The following CEP85L variants were observed in gnomAD, a reference collection of about 807,000 sequenced individuals.
CEP85L encodes the protein centrosomal protein of 85 kDa-like.
Under a neutral mutation model 100.3 loss-of-function variants are expected in CEP85L, and 60 were observed. That is an observed-to-expected ratio of 0.60 (90% CI 0.49 to 0.74). The LOEUF (loss-of-function observed/expected upper bound fraction) is 0.74. Ranked by LOEUF, CEP85L falls within the 30% of genes least tolerant of loss-of-function variation. The probability of loss-of-function intolerance (pLI) is 0.00; values close to 1 mark genes in which losing one functional copy is unlikely to be tolerated. For synonymous variants in CEP85L, 319 were observed against 322.7 expected (o/e 0.99, Z 0.12); for missense variants, 973 against 936.2 (o/e 1.04, Z -0.51).
At chr6:118,619,134 G>A (rs541911258) in intron 2 of CEP85L, among the ~76,000 whole-genome samples, 6 of 151,814 alleles carry the variant, frequency 4.0e-5, no homozygotes, top group Non-Finnish European at 8.8e-5. Context: ...AACCAGGGGT[G>A]CGGGCATACC....
At position 118,565,792 on chromosome 6, in the gene CEP85L, C is replaced by T. The variant is rs114957373; in HGVS notation, c.757G>A (p.Asp253Asn). ...TCAGGTAAGGCACTATATGTCATGT[C>T]TACAGGCTGTCTCCTAAGAGTAGAG... ...SSSTLRRQPV[D>N]MTYSALPESK... is the part of the protein sequence containing the mutation. The change falls in exon 3 of 13, where the codon GAC becomes AAC. Residue 253 changes from aspartate (D) to asparagine (N), a missense_variant. By Grantham distance (23) the Asp-to-Asn change is conservative. This residue lies in a region of CEP85L where 890 missense variants were observed against 844.5 expected (regional missense o/e 1.05). Transcript: ENST00000368491. 1,325 of 1,614,160 alleles carry T rather than the reference C, an allele frequency of 8.2e-4. 7 individuals are homozygous for T. The African/African-American group carries it at 0.016, about 19-fold the overall frequency.
At chr6:118,617,855 G>C (rs1773169950) in intron 2 of CEP85L, among the ~76,000 whole-genome samples, 1 of 152,150 alleles carries the variant, frequency 6.6e-6, no homozygotes, top group Admixed American at 6.5e-5. Flanking sequence ...CACGCAGTGA[G>C]TACCCTCGGA....
rs150192989 is a variant in CEP85L at position 118,565,595 on chromosome 6, G to C, written c.954C>G (p.Tyr318Ter). Reference sequence around the variant, plus strand: ...GCTGCTGTTGCCAAGGAGCTAAACTGTAAGAATCCTCTGTATTTCTACCTT... The same window carrying C: ...GCTGCTGTTGCCAAGGAGCTAAACTCTAAGAATCCTCTGTATTTCTACCTT... ...PLEGRNTEDS[Y>*]SLAPWQQQQI... The change falls in exon 3 of 13, where the codon TAC becomes TAG. Residue 318 changes from tyrosine to a stop codon, truncating the protein, a stop_gained. Coordinates refer to ENST00000368491, the MANE Select transcript of CEP85L (RefSeq NM_001042475.3). LOFTEE classifies it high-confidence loss of function. 1 of 1,614,078 alleles carries C rather than the reference G, an allele frequency of 6.2e-7. No individual in the cohort carries two copies. The highest frequency in any genetic ancestry group is 8.5e-7 in the Non-Finnish European group (1 of 1,180,020).
chr6:118,632,182 G>C (rs936959421), intron 2 of CEP85L, among the ~76,000 whole-genome samples: 10 of 152,078 alleles, frequency 6.6e-5, no homozygotes, highest in African/African-American at 2.4e-4. Context: ...GTAGAGACGG[G>C]ATTTCATTGT....
intron 1 of CEP85L, among the ~76,000 whole-genome samples, chr6:118,694,752 GA>G (rs1375613942): frequency 6.6e-6 from 1 of 151,908 alleles, no homozygotes; most frequent in Non-Finnish European, 1.5e-5. Flanking sequence ...ACATGATACA[GA>G]AAAAAAAGTG....
rs1432157169 is a variant in CEP85L at position 118,565,693 on chromosome 6, C to G, written c.856G>C (p.Gly286Arg). 5 of 1,614,060 alleles carry G rather than the reference C, an allele frequency of 3.1e-6. No individual in the cohort carries two copies. The highest frequency in any genetic ancestry group is 2.7e-5 in the African/African-American group (2 of 74,918). Residue 286 changes from glycine (G) to arginine (R), a missense_variant, in exon 3 of 13, where the codon GGT (glycine) becomes CGT (arginine). Around this residue, in one of 3 missense-constraint regions of CEP85L, gnomAD observed 890 missense variants for 844.5 expected, o/e 1.05. Transcript: ENST00000368491. ...ACGGAAGGCTGAATGGGAACTCCACCTACTGCCTGTTGACCAAGCATTAAA... is the reference window on the plus strand; with the variant it reads ...ACGGAAGGCTGAATGGGAACTCCACGTACTGCCTGTTGACCAAGCATTAAA... ...KYLMLGQQAV[G>R]GVPIQPSVRT...
At chr6:118,632,799 G>A (rs1219022178) in intron 1 of CEP85L, among the ~76,000 whole-genome samples, 188 bp from the exon 2 acceptor site, 1 of 152,176 alleles carries the variant, frequency 6.6e-6, no homozygotes, top group Non-Finnish European at 1.5e-5. Context: ...AATTAAGTGT[G>A]ATTACATAGC....
intron 2 of CEP85L, among the ~76,000 whole-genome samples, chr6:118,623,932 T>A (rs1022884612): frequency 1.3e-5 from 2 of 152,148 alleles, no homozygotes; most frequent in African/African-American, 4.8e-5. Flanking sequence ...GGAGGGACCA[T>A]ACTCAGTAAT....
At chr6:118,603,811 T>C (rs934737489) in intron 2 of CEP85L, among the ~76,000 whole-genome samples, 2 of 152,256 alleles carry the variant, frequency 1.3e-5, no homozygotes, top group African/African-American at 4.8e-5. Flanking sequence ...GAATACCTGC[T>C]AGAGTTCTAT....
At chr6:118,686,198 T>A (rs1432060638) in intron 1 of CEP85L, among the ~76,000 whole-genome samples, 2 of 17,206 alleles carry the variant, frequency 1.2e-4, no homozygotes, top group Non-Finnish European at 5.1e-4. Flanking sequence ...CAACACATGT[T>A]TTTTTTTTTT....
chr6:118,667,232 A>G (rs1776160479), intron 1 of CEP85L, among the ~76,000 whole-genome samples: 1 of 152,230 alleles, frequency 6.6e-6, no homozygotes, highest in Admixed American at 6.5e-5. Flanking sequence ...GAAAAAAATT[A>G]CTAACATGAA....
intron 2 of CEP85L, among the ~76,000 whole-genome samples, chr6:118,623,860 C>T (rs1400762244): frequency 1.3e-5 from 2 of 152,180 alleles, no homozygotes; most frequent in African/African-American, 4.8e-5. Flanking sequence ...GCTGTTCCAA[C>T]CAGAAGATCT....
At chr6:118,651,944 G>T (rs1775598158), upstream of CEP85L, 1 of 984,418 alleles carries the variant, frequency 1.0e-6, no homozygotes, top group Non-Finnish European at 1.2e-6. Flanking sequence ...CGTCACAACC[G>T]CTCGAGATGA....
rs777845684 is a variant in CEP85L at position 118,469,249 on chromosome 6, C to G, written c.2077G>C (p.Asp693His). Residue 693 changes from aspartate to histidine, a missense_variant, in exon 12 of 13, where the codon GAC becomes CAC. Asp to His is a moderately conservative substitution (Grantham distance 81). Around this residue, in one of 3 missense-constraint regions of CEP85L, gnomAD observed 890 missense variants for 844.5 expected, o/e 1.05. Transcript: ENST00000368491. ...AGAACTGTCTGCTGCCTAGATTGGTCAGGTTCCTGGCCCTGATCCAATAAA... is the reference window on the plus strand; with the variant it reads ...AGAACTGTCTGCTGCCTAGATTGGTGAGGTTCCTGGCCCTGATCCAATAAA... ...CSLLDQGQEP[D>H]QSRQQTVLSK... 2.5e-6 allele frequency: 4 copies of G among 1,613,918 alleles called. No individual in the cohort carries two copies. The African/African-American group carries it at 5.3e-5, about 22-fold the overall frequency.
upstream of CEP85L, chr6:118,652,383 C>G: frequency 9.3e-7 from 1 of 1,071,012 alleles, no homozygotes; most frequent in Admixed American, 5.0e-5. Context: ...GGGACAGCAT[C>G]GTTTTATTTT....
chr6:118,506,681 G>T (rs971902341), intron 5 of CEP85L, among the ~76,000 whole-genome samples: 1 of 152,126 alleles, frequency 6.6e-6, no homozygotes, highest in East Asian at 1.9e-4. Context: ...AATTGTGTAT[G>T]AGCAAATTTG....
chr6:118,547,895 C>A (rs1235965844), intron 3 of CEP85L, among the ~76,000 whole-genome samples: 1 of 152,008 alleles, frequency 6.6e-6, no homozygotes, highest in African/African-American at 2.4e-5. Flanking sequence ...CGTATTAAAG[C>A]AACAGCAGCA....
intron 2 of CEP85L, among the ~76,000 whole-genome samples, chr6:118,585,060 C>A (rs492562): frequency 0.22 from 32,802 of 152,100 alleles, 4,661 homozygotes; most frequent in East Asian, 0.61. Flanking sequence ...CAGATGGGAG[C>A]TCTTTTGTAG....
intron 1 of CEP85L, among the ~76,000 whole-genome samples, chr6:118,688,111 A>G (rs1776900120): frequency 6.6e-6 from 1 of 152,116 alleles, no homozygotes; most frequent in African/African-American, 2.4e-5. Flanking sequence ...GCGGCTTGCC[A>G]CCATCTTGGG....
Sources: allele counts gnomAD v4.1 joint callset (sites outside exome capture counted in the v4.1 genomes callset), GRCh38; gene constraint gnomAD v4.1.1; regional missense constraint gnomAD v4.1.1; transcripts MANE v1.5; gene names NCBI Gene and HGNC (gene_info 2026-07-23, HGNC 2026-07-21).